TMPRSS7: variants seen among roughly 807,000 people sequenced by gnomAD.
TMPRSS7 encodes the protein transmembrane serine protease 7.
A neutral mutation model predicts 95.6 loss-of-function variants in TMPRSS7; 81 were observed. The observed-to-expected ratio is 0.85, with a 90% confidence interval of 0.71 to 1.02. The LOEUF (loss-of-function observed/expected upper bound fraction) is 1.02, where lower values mean the gene tolerates loss of function less well. Ranked by LOEUF, TMPRSS7 falls within the 50% of genes least tolerant of loss-of-function variation. TMPRSS7 has a pLI of 0.00. For synonymous variants in TMPRSS7, 364 were observed against 337.8 expected (o/e 1.08, Z -0.85); for missense variants, 945 against 955.2 (o/e 0.99, Z 0.14).
chr3:112,064,158 G>T (rs193276043), intron 12 of TMPRSS7, among the ~76,000 whole-genome samples: 1 of 152,166 alleles, frequency 6.6e-6, no homozygotes, highest in East Asian at 1.9e-4. Context: ...ACCACGGGGA[G>T]TAAAGATCTG....
At chr3:112,040,998 A>C (rs1248826915) in intron 2 of TMPRSS7, among the ~76,000 whole-genome samples, 1 of 151,816 alleles carries the variant, frequency 6.6e-6, no homozygotes, top group Non-Finnish European at 1.5e-5. Flanking sequence ...CTGACTGTAG[A>C]GTACTTACTG....
chr3:112,045,170 CAG>C (rs567320789), intron 4 of TMPRSS7, among the ~76,000 whole-genome samples: 128 of 152,114 alleles, frequency 8.4e-4, no homozygotes, highest in Non-Finnish European at 1.0e-3. Context: ...TTTTTTGAGA[CAG>C]AGTCTCGCTC....
At chr3:112,057,702 A>G (rs540402907) in intron 10 of TMPRSS7, among the ~76,000 whole-genome samples, 2 of 152,216 alleles carry the variant, frequency 1.3e-5, no homozygotes, top group African/African-American at 4.8e-5. Context: ...ACTGAATTAA[A>G]TAGTTTTGTT....
In TMPRSS7 at chr3:112,076,445, G is replaced by C. The variant is rs559350511; in HGVS notation, c.1956-431G>C. On this transcript the variant is annotated intron_variant, in intron 15 of 17. Coordinates refer to ENST00000452346, the Ensembl canonical transcript of TMPRSS7. Reference sequence around the variant, plus strand: ...ATTAAATTCCTGCTTATAGCACTTTGATTTCTAATCTATCTTGGTATTCAT... The same window carrying C: ...ATTAAATTCCTGCTTATAGCACTTTCATTTCTAATCTATCTTGGTATTCAT... Among the ~76,000 whole-genome samples the C allele has an allele frequency of 2.6e-5, 4 of 152,302 alleles. No individual in the cohort carries two copies. In the East Asian group the frequency reaches 7.7e-4, roughly 29 times the overall value.
In TMPRSS7 at chr3:112,079,069, C is replaced by T. The variant is rs574090868; in HGVS notation, c.2361+191C>T. 6.6e-5 allele frequency among the ~76,000 whole-genome samples: 10 copies of T among 152,284 alleles called. No individual in the cohort carries two copies. The South Asian group carries it at 1.5e-3, about 22-fold the overall frequency. Reference sequence around the variant, plus strand: ...TGTTGAAATAATTTATTCTATAGAACGCAGTTTTCTATAATGTGCTCCATG... The same window carrying T: ...TGTTGAAATAATTTATTCTATAGAATGCAGTTTTCTATAATGTGCTCCATG... On this transcript the variant is annotated intron_variant, in intron 17 of 17. Transcript: ENST00000452346.
Position 112,050,762 on chromosome 3 carries a change from C to A in TMPRSS7, c.1182C>A (p.Cys394Ter). 1 of 1,596,714 alleles carries A rather than the reference C, an allele frequency of 6.3e-7. No homozygotes were observed. Among genetic ancestry groups the A allele is most frequent in the Non-Finnish European group, 8.5e-7 (1 of 1,172,610 alleles). ...ACCCGAGCTACTATCCTCCAAAATG[C>A]AAGTGTACCTGGAAATTTCAGGTAG... The change falls in exon 9 of 18, where the codon TGC becomes TGA. Residue 394 changes from cysteine (C) to a stop codon, truncating the protein, a stop_gained. Transcript: ENST00000452346. LOFTEE classifies it high-confidence loss of function.
At chr3:112,046,350 C>T (rs968306315) in intron 5 of TMPRSS7, among the ~76,000 whole-genome samples, 2 of 152,178 alleles carry the variant, frequency 1.3e-5, no homozygotes, top group South Asian at 4.1e-4. Context: ...AAACAGCTTG[C>T]TTCATAGCCC....
In TMPRSS7 at chr3:112,063,465, T is replaced by C. The variant is rs565006800; in HGVS notation, c.1448-60T>C. On this transcript the variant is annotated intron_variant, in intron 11 of 17. Coordinates refer to ENST00000452346, the Ensembl canonical transcript of TMPRSS7. The stretch of plus-strand genomic sequence containing the variant: ...TCACACTTTAAATTTGCTAATGTGG[T>C]CTAGTGATTTCAGGGATCTATCCAA... 2.4e-3 allele frequency: 3,107 copies of C among 1,294,182 alleles called. 78 individuals are homozygous for C. The South Asian group carries it at 0.035, about 15-fold the overall frequency. 80.2% of individuals were successfully genotyped at this position (1,294,182 alleles called of 1,614,324 possible).
At chr3:112,067,165 T>A (rs564163782) in intron 13 of TMPRSS7, among the ~76,000 whole-genome samples, 6 of 152,356 alleles carry the variant, frequency 3.9e-5, no homozygotes, top group East Asian at 3.9e-4. Context: ...GAACTCATCC[T>A]TTTTTATGGC....
At chr3:112,034,949 G>T in intron 1 of TMPRSS7, 56 bp downstream of exon 1, 1 of 701,258 alleles carries the variant, frequency 1.4e-6, no homozygotes, top group Non-Finnish European at 2.6e-6. Flanking sequence ...TGTTGACCCT[G>T]TTAGTAAAAT....
intron 9 of TMPRSS7, among the ~76,000 whole-genome samples, chr3:112,054,728 G>GTTTTTTT (rs1357112428): frequency 5.3e-5 from 2 of 37,616 alleles, no homozygotes; most frequent in Admixed American, 4.4e-4. Flanking sequence ...CTCTCAGTTT[G>GTTTTTTT]CTTTTTTTTT....
At chr3:112,046,234 A>G (rs538494747) in intron 5 of TMPRSS7, among the ~76,000 whole-genome samples, 4 of 152,306 alleles carry the variant, frequency 2.6e-5, no homozygotes, top group African/African-American at 9.6e-5. Context: ...TAAGTCCCCA[A>G]AGAACAAAAC....
chr3:112,062,988 A>G (rs1239757083), intron 11 of TMPRSS7, among the ~76,000 whole-genome samples: 1 of 152,202 alleles, frequency 6.6e-6, no homozygotes, highest in East Asian at 1.9e-4. Flanking sequence ...TCTGGGTTCG[A>G]GGCCAGTAAG....
At chr3:112,047,364 C>A in intron 6 of TMPRSS7, 1 of 581,622 alleles carries the variant, frequency 1.7e-6, no homozygotes, top group Non-Finnish European at 3.2e-6. Flanking sequence ...TTTTCTAAAC[C>A]ATGATGAAAA....
intron 11 of TMPRSS7, among the ~76,000 whole-genome samples, 199 bp from the exon 12 acceptor site, chr3:112,063,326 C>T (rs2073535588): frequency 6.6e-6 from 1 of 152,196 alleles, no homozygotes; most frequent in Admixed American, 6.5e-5. Context: ...GTGGATACTG[C>T]TTTCTTCTTT....
At chr3:112,045,967 T>C in intron 5 of TMPRSS7, 24 bp downstream of exon 5, 1 of 1,533,452 alleles carries the variant, frequency 6.5e-7, no homozygotes, top group South Asian at 1.2e-5. Context: ...AATTTTCCTT[T>C]AGCATTCCTT....
intron 17 of TMPRSS7, among the ~76,000 whole-genome samples, chr3:112,079,244 G>T (rs2073749638): frequency 6.6e-6 from 1 of 152,170 alleles, no homozygotes; most frequent in Non-Finnish European, 1.5e-5. Context: ...TGAAGTATAT[G>T]CTGGTGGAAA....
At chr3:112,054,557 G>A (rs1169988306) in intron 9 of TMPRSS7, among the ~76,000 whole-genome samples, 1 of 152,008 alleles carries the variant, frequency 6.6e-6, no homozygotes, top group Non-Finnish European at 1.5e-5. Flanking sequence ...TCACTATGGA[G>A]GAACTCTGTG....
intron 6 of TMPRSS7, 92 bp downstream of exon 6, chr3:112,047,104 T>C: frequency 2.9e-6 from 2 of 680,100 alleles, no homozygotes; most frequent in South Asian, 1.6e-5. Flanking sequence ...TTGTTAGTGC[T>C]CTTTTAATTG....
Sources: allele counts gnomAD v4.1 joint callset (sites outside exome capture counted in the v4.1 genomes callset), GRCh38; gene constraint gnomAD v4.1.1; transcripts MANE v1.5; gene names NCBI Gene and HGNC (gene_info 2026-07-23, HGNC 2026-07-21).